PCSK5: variants seen among roughly 807,000 people sequenced by gnomAD.
PCSK5 encodes the protein prohormone convertase 5.
PCSK5 carries 129 observed loss-of-function variants against 233.2 expected under a neutral mutation model. The ratio of observed to expected loss-of-function variants is 0.55; its 90% confidence interval spans 0.48 to 0.64. The LOEUF (loss-of-function observed/expected upper bound fraction) is 0.64, where lower values mean the gene tolerates loss of function less well. Ranked by LOEUF, PCSK5 falls within the 30% of genes least tolerant of loss-of-function variation. The pLI is 0.00. For synonymous variants in PCSK5, 825 were observed against 879.2 expected, an observed-to-expected ratio of 0.94 and a Z score of 1.09; for missense variants, 2,076 against 2,430.1, an observed-to-expected ratio of 0.85 and a Z score of 3.06.
rs75747816 is a variant in PCSK5, at chr9:76,342,597, A to T, written c.4966+4150A>T. Among the ~76,000 whole-genome samples, 1,271 of 152,324 alleles carry T rather than the reference A, an allele frequency of 8.3e-3. 17 individuals carry two copies. Among genetic ancestry groups the T allele is most frequent in the African/African-American group, 0.029 (1,214 of 41,554 alleles). The stretch of plus-strand genomic sequence containing the variant: ...AATAACTTCTTCCCAAGTACATGTG[A>T]ATATAGCCATCTCCAAGTTTAAGGT... On this transcript the variant is annotated intron_variant, in intron 35 of 37. Coordinates refer to ENST00000674117, the MANE Select transcript of PCSK5 (RefSeq NM_001372043.1).
At chr9:76,010,142 A>G (rs1342680915) in intron 3 of PCSK5, among the ~76,000 whole-genome samples, 1 of 152,212 alleles carries the variant, frequency 6.6e-6, no homozygotes. Context: ...TGTGGCAGTT[A>G]TCTTGAAATC....
chr9:76,212,859 G>A (rs1456597885), intron 20 of PCSK5, among the ~76,000 whole-genome samples: 2 of 152,198 alleles, frequency 1.3e-5, no homozygotes, highest in Admixed American at 1.3e-4. Flanking sequence ...GAAAAGTTAA[G>A]TAGCAAGCCT....
intron 2 of PCSK5, among the ~76,000 whole-genome samples, chr9:75,958,490 G>A (rs1441236466): frequency 6.6e-6 from 1 of 152,196 alleles, no homozygotes; most frequent in African/African-American, 2.4e-5. Flanking sequence ...TGTATCCATG[G>A]GTTGTGTAGC....
At chr9:76,297,874 C>T (rs1828491571) in intron 27 of PCSK5, among the ~76,000 whole-genome samples, 1 of 152,040 alleles carries the variant, frequency 6.6e-6, no homozygotes, top group African/African-American at 2.4e-5. Flanking sequence ...TCTACTACGG[C>T]AGTTTTACAC....
intron 20 of PCSK5, among the ~76,000 whole-genome samples, chr9:76,214,025 C>A (rs527902250): frequency 1.3e-5 from 2 of 152,126 alleles, no homozygotes; most frequent in Non-Finnish European, 2.9e-5. Context: ...ACGGAGACCC[C>A]AGAATAAGCA....
intron 2 of PCSK5, among the ~76,000 whole-genome samples, chr9:75,942,200 G>C (rs1824340051): frequency 6.6e-6 from 1 of 152,232 alleles, no homozygotes; most frequent in Non-Finnish European, 1.5e-5. Context: ...AGCTGGCTCG[G>C]TGTTGCCAAT....
At chr9:76,103,003 G>A (rs908700775) in intron 8 of PCSK5, among the ~76,000 whole-genome samples, 4 of 152,130 alleles carry the variant, frequency 2.6e-5, no homozygotes, top group African/African-American at 9.7e-5. Context: ...TCTTCTATTT[G>A]TACTTCACAT....
intron 7 of PCSK5, among the ~76,000 whole-genome samples, chr9:76,091,617 G>C (rs893300631): frequency 6.6e-6 from 1 of 152,036 alleles, no homozygotes; most frequent in Admixed American, 6.5e-5. Flanking sequence ...TGATCTCTCT[G>C]GGTTTTAATG....
chr9:76,351,525 A>AAAGG (rs1830152800), intron 36 of PCSK5, among the ~76,000 whole-genome samples: 1 of 123,484 alleles, frequency 8.1e-6, no homozygotes, highest in Non-Finnish European at 1.7e-5. Context: ...AGAAAGAAAG[A>AAAGG]AAGAAAGGAA....
intron 2 of PCSK5, among the ~76,000 whole-genome samples, chr9:75,972,265 T>C (rs1336236477): frequency 2.0e-5 from 3 of 152,232 alleles, no homozygotes; most frequent in Non-Finnish European, 4.4e-5. Context: ...ACTATCATGC[T>C]GTTTTGGTTA....
At chr9:76,310,241 C>T (rs1828826191) in intron 29 of PCSK5, among the ~76,000 whole-genome samples, 1 of 147,824 alleles carries the variant, frequency 6.8e-6, no homozygotes, top group Non-Finnish European at 1.5e-5. Context: ...GAGCAAGACT[C>T]CTTCTCAAAA....
chr9:76,140,503 C>T (rs1408788718), intron 10 of PCSK5, among the ~76,000 whole-genome samples: 2 of 151,988 alleles, frequency 1.3e-5, no homozygotes, highest in Non-Finnish European at 2.9e-5. Flanking sequence ...AAGCTTTCTA[C>T]TCCCTGAAAT....
chr9:76,144,856 G>A (rs531567462), intron 10 of PCSK5, among the ~76,000 whole-genome samples: 21 of 152,190 alleles, frequency 1.4e-4, no homozygotes, highest in Non-Finnish European at 2.1e-4. Flanking sequence ...GGCCAGGAGT[G>A]GTGGCTTATG....
intron 3 of PCSK5, among the ~76,000 whole-genome samples, chr9:75,997,062 T>G (rs939108818): frequency 6.6e-6 from 1 of 152,174 alleles, no homozygotes; most frequent in African/African-American, 2.4e-5. Context: ...CTGTAACCTA[T>G]CTCTCTGCCA....
chr9:75,966,541 A>G (rs1252497456), intron 2 of PCSK5, among the ~76,000 whole-genome samples: 1 of 152,218 alleles, frequency 6.6e-6, no homozygotes, highest in East Asian at 1.9e-4. Flanking sequence ...TCTTCTCGCT[A>G]TAGAGGTAGA....
chr9:75,927,682 C>G (rs1056568930), intron 1 of PCSK5, among the ~76,000 whole-genome samples: 1 of 152,068 alleles, frequency 6.6e-6, no homozygotes, highest in Admixed American at 6.6e-5. Context: ...AGGGGCAAAG[C>G]CAGTGTTAAC....
chr9:76,054,053 C>A (rs1006012069), intron 5 of PCSK5, among the ~76,000 whole-genome samples: 1 of 152,146 alleles, frequency 6.6e-6, no homozygotes, highest in African/African-American at 2.4e-5. Context: ...TCTTACATGG[C>A]GGCAGGCAGG....
intron 20 of PCSK5, among the ~76,000 whole-genome samples, chr9:76,208,611 CCT>C (rs1184098832): frequency 6.6e-6 from 1 of 152,194 alleles, no homozygotes; most frequent in Non-Finnish European, 1.5e-5. Flanking sequence ...CTCCCTTGAA[CCT>C]CTGTCAATCT....
At position 76,238,920 on chromosome 9, in the gene PCSK5, T is replaced by C. The variant is rs780049891; in HGVS notation, c.2867-39T>C. The C allele has an allele frequency of 2.8e-6, 4 of 1,435,336 alleles. No individual in the cohort carries two copies. In the South Asian group the frequency reaches 4.7e-5, roughly 17 times the overall value. 88.9% of individuals were successfully genotyped at this position (1,435,336 alleles called of 1,614,324 possible). A position where few individuals can be genotyped will look rare whatever the true frequency, so the allele number is the denominator to read the frequency against. ...TATAATAGCTTCATGGCTAACTTTG[T>C]ACATTTTCCCTCTTTTCGTTGCCCC... On this transcript the variant is annotated intron_variant, in intron 22 of 37. Transcript: ENST00000674117.
Sources: gnomAD v4.1 joint callset for allele counts (sites outside exome capture counted in the v4.1 genomes callset) on GRCh38, gnomAD v4.1.1 for gene constraint, MANE v1.5 for transcripts, NCBI Gene and HGNC (gene_info 2026-07-23, HGNC 2026-07-21) for gene names.